GPR158: variants seen among roughly 807,000 people sequenced by gnomAD.
GPR158 encodes the protein G protein-coupled receptor 158, also known as metabotropic glycine receptor.
Under a neutral mutation model 78.2 loss-of-function variants are expected in GPR158, and 30 were observed. The observed-to-expected ratio is 0.38, with a 90% confidence interval of 0.29 to 0.52. GPR158 has a LOEUF of 0.52. GPR158 is among the 20% of genes least tolerant of loss of function. The pLI is 0.83. For missense variants in GPR158, 1,463 were observed against 1,523.5 expected (o/e 0.96, Z 0.66); for synonymous variants, 581 against 591.1 (o/e 0.98, Z 0.25).
chr10:25,443,728 C>G (rs970924106), intron 4 of GPR158, among the ~76,000 whole-genome samples: 19 of 146,090 alleles, frequency 1.3e-4, no homozygotes, highest in Non-Finnish European at 2.4e-4. Context: ...CTTTGGTACT[C>G]TAGCAATGCC....
rs932561910 is a variant in GPR158, at chr10:25,176,880, C to T, written c.902+558C>T. Among the ~76,000 whole-genome samples, 1 of 152,178 alleles carries T rather than the reference C, an allele frequency of 6.6e-6. No homozygotes were observed. The highest frequency in any genetic ancestry group is 1.5e-5 in the Non-Finnish European group (1 of 68,032). On this transcript the variant is annotated intron_variant, in intron 1 of 10. Transcript: ENST00000376351. The surrounding 1 kb of genome is among the most constrained non-coding windows in gnomAD (Gnocchi z 6.3). ...AAACTGTGCCATCTCCTCGCAGTTC[C>T]GGCCCCTCAGCAGTGAGTCAGTCCC...
chr10:25,491,110 A>C (rs866681109), intron 5 of GPR158, among the ~76,000 whole-genome samples: 2 of 152,302 alleles, frequency 1.3e-5, no homozygotes, highest in South Asian at 4.1e-4. Context: ...TAGATTTTTA[A>C]TATGGCCATA....
At chr10:25,264,805 A>G (rs1203696613) in intron 2 of GPR158, among the ~76,000 whole-genome samples, 1 of 152,198 alleles carries the variant, frequency 6.6e-6, no homozygotes, top group Admixed American at 6.5e-5. Context: ...TCACAGTGGT[A>G]CCTAAAAGAG....
intron 2 of GPR158, among the ~76,000 whole-genome samples, chr10:25,234,845 T>C (rs1853499787): frequency 6.6e-6 from 1 of 152,232 alleles, no homozygotes; most frequent in Non-Finnish European, 1.5e-5. Flanking sequence ...AATTTGTAAG[T>C]AGCAGATTGT....
chr10:25,513,506 G>A (rs115642119), intron 5 of GPR158, among the ~76,000 whole-genome samples: 2 of 146,262 alleles, frequency 1.4e-5, no homozygotes, highest in Non-Finnish European at 3.0e-5. Context: ...TTTTTTTTTG[G>A]TTCAATTTTA....
At chr10:25,581,754 C>T (rs1467187014) in intron 7 of GPR158, among the ~76,000 whole-genome samples, 1 of 152,102 alleles carries the variant, frequency 6.6e-6, no homozygotes, top group Admixed American at 6.5e-5. Flanking sequence ...CATAAAAGAT[C>T]AAAAATCAGA....
intron 4 of GPR158, among the ~76,000 whole-genome samples, chr10:25,445,407 A>G (rs1370797901): frequency 1.3e-5 from 2 of 152,228 alleles, no homozygotes; most frequent in African/African-American, 4.8e-5. Flanking sequence ...TGAGGTGGAA[A>G]GATTGGTAGG....
intron 2 of GPR158, among the ~76,000 whole-genome samples, chr10:25,393,019 A>G (rs937216289): frequency 6.6e-6 from 1 of 152,170 alleles, no homozygotes; most frequent in African/African-American, 2.4e-5. Flanking sequence ...ATAGAATAAC[A>G]AGTTTGAGGT....
chr10:25,374,370 C>CA (rs1834045878), intron 2 of GPR158, among the ~76,000 whole-genome samples: 1 of 151,444 alleles, frequency 6.6e-6, no homozygotes, highest in Non-Finnish European at 1.5e-5. Context: ...GGTATAATAT[C>CA]AAAACTAGGA....
At chr10:25,397,449 T>C (rs1192865868) in intron 3 of GPR158, among the ~76,000 whole-genome samples, 1 of 152,206 alleles carries the variant, frequency 6.6e-6, no homozygotes, top group Non-Finnish European at 1.5e-5. Context: ...CCCATAAATC[T>C]TTGCCAGCCC....
intron 1 of GPR158, among the ~76,000 whole-genome samples, chr10:25,191,003 T>G (rs1852764900): frequency 6.6e-6 from 1 of 152,192 alleles, no homozygotes; most frequent in Admixed American, 6.5e-5. Context: ...TAAGGTAAAC[T>G]TTTAGGATGG....
chr10:25,236,793 G>C (rs1853532815), intron 2 of GPR158, among the ~76,000 whole-genome samples: 1 of 152,030 alleles, frequency 6.6e-6, no homozygotes, highest in Non-Finnish European at 1.5e-5. Context: ...TGTTTCTACT[G>C]TAACACCTAG....
At chr10:25,495,154 T>A (rs570547438) in intron 5 of GPR158, among the ~76,000 whole-genome samples, 2 of 152,066 alleles carry the variant, frequency 1.3e-5, no homozygotes, top group South Asian at 4.1e-4. Context: ...ACTAACTTTT[T>A]TTTTTTTTTT....
At chr10:25,471,421 C>T (rs557720895) in intron 5 of GPR158, among the ~76,000 whole-genome samples, 14 of 152,196 alleles carry the variant, frequency 9.2e-5, no homozygotes, top group African/African-American at 2.6e-4. Context: ...AATAAATATA[C>T]GTGTGCATGT....
chr10:25,231,549 A>G (rs1588747372), intron 2 of GPR158, among the ~76,000 whole-genome samples: 1 of 152,080 alleles, frequency 6.6e-6, no homozygotes, highest in Non-Finnish European at 1.5e-5. Context: ...TAATGTTAGG[A>G]CCTTTGAAAT....
chr10:25,317,929 A>G (rs561855121), intron 2 of GPR158, among the ~76,000 whole-genome samples: 2 of 152,032 alleles, frequency 1.3e-5, no homozygotes, highest in South Asian at 4.2e-4. Context: ...GGGTTTCACC[A>G]TTTTGGCCAG....
chr10:25,429,325 T>A (rs980170276), intron 4 of GPR158, among the ~76,000 whole-genome samples: 1 of 152,106 alleles, frequency 6.6e-6, no homozygotes, highest in Non-Finnish European at 1.5e-5. Context: ...ACTAAAATGC[T>A]AGAAGAAGTT....
chr10:25,373,351 A>G (rs1007916804), intron 2 of GPR158, among the ~76,000 whole-genome samples: 1 of 151,958 alleles, frequency 6.6e-6, no homozygotes, highest in Non-Finnish European at 1.5e-5. Context: ...TAGGCTTAGT[A>G]CCTGGGTGGC....
At chr10:25,232,651 A>G (rs777230384) in intron 2 of GPR158, among the ~76,000 whole-genome samples, 7 of 152,022 alleles carry the variant, frequency 4.6e-5, no homozygotes, top group Non-Finnish European at 5.9e-5. Flanking sequence ...TTCCCTCCCC[A>G]AGGGCCTATA....
Sources: allele counts gnomAD v4.1 joint callset (sites outside exome capture counted in the v4.1 genomes callset), GRCh38; gene constraint gnomAD v4.1.1; non-coding constraint Gnocchi (gnomAD v3.1); transcripts MANE v1.5; gene names NCBI Gene and HGNC (gene_info 2026-07-23, HGNC 2026-07-21).